Variants in USP30 observed in about 807,000 individuals in gnomAD.
USP30 encodes ubiquitin carboxyl-terminal hydrolase 30.
A neutral mutation model predicts 68.2 loss-of-function variants in USP30; 41 were observed. The ratio of observed to expected loss-of-function variants is 0.60; its 90% CI spans 0.47 to 0.78. USP30 has a LOEUF of 0.78. USP30 is among the 30% of genes least tolerant of loss of function. USP30 has a pLI of 0.00. For missense variants in USP30, 522 were observed against 649.4 expected, an observed-to-expected ratio of 0.80 and a Z score of 2.13; for synonymous variants, 229 against 253.7, an observed-to-expected ratio of 0.90 and a Z score of 0.93.
chr12:109,082,402 A>G (rs2041829868), intron 9 of USP30: 1 of 549,462 alleles, frequency 1.8e-6, no homozygotes, highest in South Asian at 2.4e-5. Context: ...TTTTGAAGAC[A>G]GAGAACAATT....
chr12:109,029,230 A>C (rs1405019276), intron 3 of USP30, among the ~76,000 whole-genome samples: 2 of 152,244 alleles, frequency 1.3e-5, no homozygotes, highest in Non-Finnish European at 2.9e-5. Flanking sequence ...GAATTAAAGA[A>C]AGAGGAAAGA....
chr12:109,045,449 T>TG (rs111595918), intron 3 of USP30, among the ~76,000 whole-genome samples: 12,438 of 150,948 alleles, frequency 0.082, 977 homozygotes, highest in African/African-American at 0.21. Flanking sequence ...ACAGTGGGGG[T>TG]GGGGGGTGAT....
At chr12:109,027,212 C>T (rs2040450920) in intron 2 of USP30, among the ~76,000 whole-genome samples, 1 of 152,206 alleles carries the variant, frequency 6.6e-6, no homozygotes, top group African/African-American at 2.4e-5. Flanking sequence ...AGAAACTCTA[C>T]CCATTGAGTA....
intron 3 of USP30, among the ~76,000 whole-genome samples, chr12:109,044,830 A>G (rs952707588): frequency 1.3e-5 from 2 of 151,844 alleles, no homozygotes; most frequent in African/African-American, 2.4e-5. Context: ...CTCTACCTAT[A>G]CCTCTCACAG....
At chr12:109,058,934 A>C (rs778349528) in intron 3 of USP30, among the ~76,000 whole-genome samples, 17 of 152,344 alleles carry the variant, frequency 1.1e-4, no homozygotes, top group Non-Finnish European at 2.1e-4. Flanking sequence ...GGTGTAACTT[A>C]GTGCCACTTT....
intron 7 of USP30, 73 bp from the exon 8 acceptor site, chr12:109,081,261 C>T: frequency 7.1e-7 from 1 of 1,404,552 alleles, no homozygotes; most frequent in Non-Finnish European, 1.0e-6. Flanking sequence ...GTTTCATAGT[C>T]ACATATCTTG....
chr12:109,026,016 A>G (rs2040442595), intron 2 of USP30, among the ~76,000 whole-genome samples: 1 of 151,888 alleles, frequency 6.6e-6, no homozygotes, highest in South Asian at 2.1e-4. Context: ...AATTTTTGGT[A>G]CTATTTTATT....
intron 8 of USP30, chr12:109,081,631 A>AGTG (rs1566105614): frequency 2.5e-6 from 1 of 392,914 alleles, no homozygotes; most frequent in Admixed American, 4.2e-5. Context: ...GCGCACACAC[A>AGTG]CACACACACA....
intron 6 of USP30, 25 bp from the exon 7 acceptor site, chr12:109,073,413 T>C (rs780778573): frequency 6.4e-7 from 1 of 1,565,548 alleles, no homozygotes. Flanking sequence ...AAAAGTGACA[T>C]ATCAAAAAAC....
At position 109,058,059 on chromosome 12, in the gene USP30, G is replaced by GC. The variant is rs1238240212; in HGVS notation, c.333dup (p.Ser112LeufsTer23). On this transcript the variant is annotated frameshift_variant, in exon 3 of 13. Coordinates refer to ENST00000257548, the MANE Select transcript of USP30 (RefSeq NM_032663.5). LOFTEE classifies it high-confidence loss of function. ...CCCAGTACTCCAGGGATCAGAAGGA[G>GC]CCCCCCTCACACCAGTATTTATCCT... 4 of 1,614,048 alleles carry GC rather than the reference G, an allele frequency of 2.5e-6. No homozygotes were observed. Among genetic ancestry groups the GC allele is most frequent in the Non-Finnish European group, 3.4e-6 (4 of 1,179,990 alleles).
chr12:109,024,624 A>AT (rs200043270), intron 1 of USP30, among the ~76,000 whole-genome samples: 35 of 144,474 alleles, frequency 2.4e-4, no homozygotes, highest in East Asian at 6.3e-4. Flanking sequence ...GTAAAGCAGC[A>AT]TTTTTTTTTT....
At chr12:109,076,214 G>A (rs2041598891) in intron 7 of USP30, among the ~76,000 whole-genome samples, 1 of 152,132 alleles carries the variant, frequency 6.6e-6, no homozygotes, top group East Asian at 1.9e-4. Context: ...CAAATTGTTT[G>A]CCACTAGTAT....
Position 109,067,523 on chromosome 12 carries a change from G to A in USP30, c.377-1G>A. The A allele has an allele frequency of 1.2e-6, 2 of 1,612,424 alleles. No individual in the cohort carries two copies. Among genetic ancestry groups the A allele is most frequent in the Non-Finnish European group, 1.7e-6 (2 of 1,179,426 alleles). The stretch of plus-strand genomic sequence containing the variant: ...AATTGTCTTACCTTTTTTGTTTCCA[G>A]CCTTGTCCTGCCAAGAAGTTACTGA... On this transcript the variant is annotated splice_acceptor_variant, in intron 3 of 12. Coordinates refer to ENST00000257548, the MANE Select transcript of USP30 (RefSeq NM_032663.5). LOFTEE classifies it high-confidence loss of function.
intron 4 of USP30, among the ~76,000 whole-genome samples, chr12:109,068,699 T>G (rs539232524): frequency 1.3e-5 from 2 of 152,338 alleles, no homozygotes; most frequent in East Asian, 3.9e-4. Context: ...AAGGTCCGAC[T>G]TCTCCATCAA....
At chr12:109,082,791 G>C (rs1214248194) in intron 10 of USP30, 48 bp downstream of exon 10, 1 of 1,610,416 alleles carries the variant, frequency 6.2e-7, no homozygotes, top group South Asian at 1.1e-5. Flanking sequence ...AGGACTCCGT[G>C]TATCCTGCCC....
chr12:109,077,823 GT>G (rs891675881), intron 7 of USP30, among the ~76,000 whole-genome samples: 42 of 149,186 alleles, frequency 2.8e-4, no homozygotes, highest in South Asian at 1.5e-3. Flanking sequence ...GTGTGTTTGT[GT>G]TGGGGGGGGA....
intron 3 of USP30, among the ~76,000 whole-genome samples, chr12:109,033,809 C>T (rs1045173191): frequency 6.6e-6 from 1 of 152,136 alleles, no homozygotes; most frequent in East Asian, 1.9e-4. Context: ...GAGGTTAAGC[C>T]CTTGTTAAAT....
At chr12:109,038,120 T>C (rs1003390034) in intron 3 of USP30, among the ~76,000 whole-genome samples, 2 of 151,938 alleles carry the variant, frequency 1.3e-5, no homozygotes. Context: ...ATCACCTAGG[T>C]ATTTAGCCCA....
Position 109,070,992 on chromosome 12 carries a change from C to T in USP30, c.481-620C>T, listed in dbSNP as rs1438177548. ...GCAGTATGCTACAACATAGGTGAAG[C>T]TTGAAGACGTTATGCCGAGGAAAAT... On this transcript the variant is annotated intron_variant, in intron 4 of 12. Coordinates refer to ENST00000257548, the MANE Select transcript of USP30 (RefSeq NM_032663.5). The surrounding 1 kb of genome is among the most constrained non-coding windows in gnomAD (Gnocchi z 4.0). 6.6e-6 allele frequency among the ~76,000 whole-genome samples: 1 copy of T among 152,192 alleles called. No homozygotes were observed. The highest frequency in any genetic ancestry group is 1.5e-5 in the Non-Finnish European group (1 of 68,044).
Sources: allele counts gnomAD v4.1 joint callset (sites outside exome capture counted in the v4.1 genomes callset), GRCh38; gene constraint gnomAD v4.1.1; non-coding constraint Gnocchi (gnomAD v3.1); transcripts MANE v1.5; gene names NCBI Gene and HGNC (gene_info 2026-07-23, HGNC 2026-07-21).